The following PPFIA2 variants were observed in gnomAD, a reference collection of about 807,000 sequenced individuals.
PPFIA2 encodes liprin-alpha-2.
In PPFIA2, 46 loss-of-function variants were observed where a neutral mutation model predicts 175.5. The ratio of observed to expected loss-of-function variants is 0.26; its 90% CI spans 0.21 to 0.34. PPFIA2 has a LOEUF of 0.34. Among genes scored for constraint, PPFIA2 ranks in the 10% least tolerant of loss-of-function variants. The probability of loss-of-function intolerance (pLI) is 1.00; values close to 1 mark genes in which losing one functional copy is unlikely to be tolerated. For missense variants in PPFIA2, 1,179 were observed against 1,506.1 expected, an observed-to-expected ratio of 0.78 and a Z score of 3.60; for synonymous variants, 568 against 511.4, an observed-to-expected ratio of 1.11 and a Z score of -1.49.
intron 11 of PPFIA2, 28 bp downstream of exon 11, chr12:81,374,606 A>C (rs2035936580): frequency 1.3e-6 from 2 of 1,581,752 alleles, no homozygotes; most frequent in Non-Finnish European, 1.7e-6. Context: ...AAATATATCT[A>C]GGTTGACCAG....
chr12:81,552,780 T>A (rs538828066), intron 4 of PPFIA2, among the ~76,000 whole-genome samples: 1 of 152,162 alleles, frequency 6.6e-6, no homozygotes, highest in South Asian at 2.1e-4. Flanking sequence ...GAAGATATGA[T>A]CCCATTCACG....
intron 4 of PPFIA2, among the ~76,000 whole-genome samples, chr12:81,528,235 A>T (rs989941397): frequency 1.3e-5 from 2 of 152,066 alleles, no homozygotes; most frequent in African/African-American, 4.8e-5. Context: ...CTGAGGGTAC[A>T]TCTTGAAGCA....
intron 4 of PPFIA2, among the ~76,000 whole-genome samples, chr12:81,619,941 C>T (rs2153479150): frequency 6.6e-6 from 1 of 152,076 alleles, no homozygotes; most frequent in South Asian, 2.1e-4. Context: ...GGGCGGATCA[C>T]GAGGTCAGGA....
chr12:81,715,167 T>C (rs1398121273), intron 3 of PPFIA2, among the ~76,000 whole-genome samples: 1 of 147,920 alleles, frequency 6.8e-6, no homozygotes, highest in Non-Finnish European at 1.5e-5. Flanking sequence ...TTTCTCAATA[T>C]ACAGAGTACA....
At chr12:81,280,019 C>A (rs1432603188) in intron 27 of PPFIA2, among the ~76,000 whole-genome samples, 1 of 152,104 alleles carries the variant, frequency 6.6e-6, no homozygotes, top group Non-Finnish European at 1.5e-5. Flanking sequence ...TATTTAAAGT[C>A]TTCCTTCATC....
intron 4 of PPFIA2, among the ~76,000 whole-genome samples, chr12:81,580,474 G>T (rs1328928738): frequency 2.6e-5 from 4 of 151,686 alleles, no homozygotes; most frequent in African/African-American, 9.7e-5. Context: ...ACATCAAACA[G>T]ATTGAAATGG....
chr12:81,587,807 T>A (rs978045988), intron 4 of PPFIA2, among the ~76,000 whole-genome samples: 5 of 152,168 alleles, frequency 3.3e-5, no homozygotes, highest in Non-Finnish European at 7.4e-5. Context: ...AACTCTAAGA[T>A]CCTTGAGTGC....
chr12:81,647,825 A>C (rs997484532), intron 4 of PPFIA2, among the ~76,000 whole-genome samples: 2 of 141,892 alleles, frequency 1.4e-5, no homozygotes, highest in African/African-American at 5.2e-5. Flanking sequence ...TAAAATATAT[A>C]GTATATATAA....
intron 4 of PPFIA2, among the ~76,000 whole-genome samples, chr12:81,584,295 C>T (rs11114921): frequency 4.1e-4 from 62 of 151,890 alleles, no homozygotes; most frequent in Non-Finnish European, 4.9e-4. Flanking sequence ...TTATAATGCT[C>T]GAAATACAGT....
At chr12:81,679,744 T>C (rs554142622) in intron 3 of PPFIA2, among the ~76,000 whole-genome samples, 3 of 152,122 alleles carry the variant, frequency 2.0e-5, no homozygotes, top group South Asian at 2.1e-4. Context: ...TGTTCTATTT[T>C]GAGTGTAAGT....
intron 3 of PPFIA2, among the ~76,000 whole-genome samples, chr12:81,746,603 G>C (rs550724188): frequency 6.9e-6 from 1 of 144,244 alleles, no homozygotes; most frequent in African/African-American, 2.4e-5. Flanking sequence ...GTTGTTAATT[G>C]TACTTGTCAT....
chr12:81,625,458 T>C (rs544364982), intron 4 of PPFIA2, among the ~76,000 whole-genome samples: 2 of 152,038 alleles, frequency 1.3e-5, no homozygotes, highest in East Asian at 1.9e-4. Context: ...GTATGATATA[T>C]ATGTGATGAC....
chr12:81,410,969 T>C (rs1053212317), intron 7 of PPFIA2, among the ~76,000 whole-genome samples: 4 of 152,088 alleles, frequency 2.6e-5, no homozygotes, highest in Non-Finnish European at 4.4e-5. Flanking sequence ...CTTGGCATTT[T>C]AGTAATATGA....
At chr12:81,476,557 T>C (rs1223324110) in intron 4 of PPFIA2, among the ~76,000 whole-genome samples, 1 of 152,174 alleles carries the variant, frequency 6.6e-6, no homozygotes, top group East Asian at 1.9e-4. Flanking sequence ...ATATGAACTG[T>C]AAAATAATTC....
chr12:81,758,006 T>C (rs1174858575), intron 2 of PPFIA2, among the ~76,000 whole-genome samples: 1 of 152,198 alleles, frequency 6.6e-6, no homozygotes, highest in Non-Finnish European at 1.5e-5. Flanking sequence ...CCTATTTAAC[T>C]CTTTGAAAGC....
rs550092867 is a variant in PPFIA2, at chr12:81,619,304, A to T, written c.303+57487T>A. Among the ~76,000 whole-genome samples, 9 of 152,354 alleles carry T rather than the reference A, an allele frequency of 5.9e-5. 1 individual carries two copies. The highest frequency in any genetic ancestry group is 2.2e-4 in the African/African-American group (9 of 41,576). On this transcript the variant is annotated intron_variant, in intron 4 of 32. Transcript: ENST00000549396. ...ATAGATCTATAAAGTGTGGTTAATC[A>T]TACACGTTAGATATGTAACTTTTCA...
At chr12:81,315,460 A>G (rs2052103616) in intron 22 of PPFIA2, among the ~76,000 whole-genome samples, 1 of 151,802 alleles carries the variant, frequency 6.6e-6, no homozygotes, top group Non-Finnish European at 1.5e-5. Flanking sequence ...AGGGGAAAAC[A>G]GAAAGGTGAT....
chr12:81,358,282 T>A (rs1459059817), intron 15 of PPFIA2, 65 bp from the exon 16 acceptor site: 1 of 1,436,908 alleles, frequency 7.0e-7, no homozygotes, highest in African/African-American at 1.4e-5. Context: ...GAAATTACTA[T>A]CTGCTGTTTT....
At chr12:81,313,747 G>A (rs911664572) in intron 22 of PPFIA2, among the ~76,000 whole-genome samples, 1 of 151,920 alleles carries the variant, frequency 6.6e-6, no homozygotes, top group Admixed American at 6.6e-5. Context: ...AAAGCATTTG[G>A]GACTAGTTAT....
Sources: allele counts gnomAD v4.1 joint callset (sites outside exome capture counted in the v4.1 genomes callset), GRCh38; gene constraint gnomAD v4.1.1; transcripts MANE v1.5; gene names NCBI Gene and HGNC (gene_info 2026-07-23, HGNC 2026-07-21).